The following TENM4 variants were observed in gnomAD, a reference collection of about 807,000 sequenced individuals.
TENM4 encodes teneurin-4.
TENM4 carries 82 observed loss-of-function variants against 243.3 expected under a neutral mutation model. The observed-to-expected ratio is 0.34, with a 90% CI of 0.28 to 0.40. The LOEUF is 0.40. TENM4 is among the 10% of genes least tolerant of loss of function. The pLI is 1.00. For missense variants in TENM4, 3,138 were observed against 3,673.3 expected (o/e 0.85, Z 3.77); for synonymous variants, 1,412 against 1,456.3 (o/e 0.97, Z 0.69).
intron 1 of TENM4, among the ~76,000 whole-genome samples, chr11:79,384,000 C>A (rs568283204): frequency 6.6e-6 from 1 of 152,168 alleles, no homozygotes; most frequent in African/African-American, 2.4e-5. Flanking sequence ...AACCTGCCCC[C>A]CCTTCCTTTC....
intron 18 of TENM4, among the ~76,000 whole-genome samples, chr11:78,764,753 T>G (rs905564616): frequency 6.6e-6 from 1 of 152,186 alleles, no homozygotes; most frequent in African/African-American, 2.4e-5. Context: ...GAGTCACGCC[T>G]CTAAAGGATT....
chr11:79,032,634 T>C (rs1859276469), intron 6 of TENM4, among the ~76,000 whole-genome samples: 1 of 151,820 alleles, frequency 6.6e-6, no homozygotes, highest in Non-Finnish European at 1.5e-5. Flanking sequence ...AGCCAGAGCC[T>C]ACTAGAAGGT....
chr11:78,891,913 C>G (rs1855677125), intron 7 of TENM4, among the ~76,000 whole-genome samples: 1 of 152,188 alleles, frequency 6.6e-6, no homozygotes, highest in Non-Finnish European at 1.5e-5. Context: ...AGCCATGGTT[C>G]TCCAACTTTC....
At chr11:79,025,117 A>G (rs1591218428) in intron 6 of TENM4, among the ~76,000 whole-genome samples, 1 of 151,364 alleles carries the variant, frequency 6.6e-6, no homozygotes, top group Admixed American at 6.6e-5. Flanking sequence ...AGTTCAAAGA[A>G]CCCCCACTTC....
intron 3 of TENM4, among the ~76,000 whole-genome samples, chr11:79,173,922 G>C (rs918463718): frequency 7.2e-5 from 11 of 152,178 alleles, no homozygotes; most frequent in African/African-American, 2.7e-4. Context: ...GAGACAGAGG[G>C]TTATAAGGGA....
chr11:78,899,566 G>GT (rs1341544676), intron 7 of TENM4, among the ~76,000 whole-genome samples: 1 of 126,514 alleles, frequency 7.9e-6, no homozygotes, highest in Non-Finnish European at 1.7e-5. Flanking sequence ...AAGCGGGGGG[G>GT]GGGGGAAAAA....
At chr11:79,158,963 G>A (rs1336791813) in intron 3 of TENM4, among the ~76,000 whole-genome samples, 1 of 152,138 alleles carries the variant, frequency 6.6e-6, no homozygotes, top group Non-Finnish European at 1.5e-5. Context: ...CATGGTCAGT[G>A]CTCACTGAAA....
chr11:78,844,310 A>G (rs146900255), intron 12 of TENM4, among the ~76,000 whole-genome samples: 52 of 152,328 alleles, frequency 3.4e-4, no homozygotes, highest in African/African-American at 1.2e-3. Context: ...TGAGGCTCAC[A>G]GTAGTGGGGC....
intron 6 of TENM4, among the ~76,000 whole-genome samples, chr11:78,966,439 C>G (rs1857438903): frequency 6.6e-6 from 1 of 152,136 alleles, no homozygotes; most frequent in South Asian, 2.1e-4. Context: ...AATCCTGTTT[C>G]ATTCCACAAA....
At chr11:79,409,964 T>G (rs552966769) in intron 1 of TENM4, among the ~76,000 whole-genome samples, 1 of 152,168 alleles carries the variant, frequency 6.6e-6, no homozygotes, top group African/African-American at 2.4e-5. Context: ...ATCCAATCTT[T>G]TGGCTTCCTT....
chr11:78,975,273 C>T (rs961051736), intron 6 of TENM4, among the ~76,000 whole-genome samples: 3 of 151,934 alleles, frequency 2.0e-5, no homozygotes, highest in Non-Finnish European at 4.4e-5. Context: ...ACCTTGCCCA[C>T]GCGCTGCCTC....
At chr11:79,073,872 A>G (rs907383415) in intron 4 of TENM4, among the ~76,000 whole-genome samples, 2 of 152,234 alleles carry the variant, frequency 1.3e-5, no homozygotes, top group African/African-American at 2.4e-5. Flanking sequence ...TTTAAAAGGC[A>G]TAATGTAGAA....
chr11:79,228,394 G>A (rs1254040175), intron 2 of TENM4, among the ~76,000 whole-genome samples: 2 of 152,162 alleles, frequency 1.3e-5, no homozygotes, highest in Admixed American at 6.5e-5. Context: ...GGACCACCAG[G>A]TGCAGAACAG....
At chr11:78,778,716 C>A (rs1856786042) in intron 16 of TENM4, 88 bp from the exon 17 acceptor site, 3 of 1,275,994 alleles carry the variant, frequency 2.4e-6, no homozygotes, top group Non-Finnish European at 3.4e-6. Flanking sequence ...GCTACACAGA[C>A]AAAGGGATTG....
intron 2 of TENM4, among the ~76,000 whole-genome samples, chr11:79,259,234 T>C (rs1321855715): frequency 6.6e-6 from 1 of 152,162 alleles, no homozygotes; most frequent in Non-Finnish European, 1.5e-5. Flanking sequence ...AGATACAGAA[T>C]GTAAAGTGTA....
In TENM4 at chr11:79,440,535, G is replaced by C. The variant is rs893122634; in HGVS notation, c.-347C>G. 6.6e-6 allele frequency: 1 copy of C among 152,218 alleles called. No individual in the cohort carries two copies. The highest frequency in any genetic ancestry group is 2.4e-5 in the African/African-American group (1 of 41,468). 9.4% of individuals were successfully genotyped at this position (152,218 alleles called of 1,614,324 possible). On this transcript the variant is annotated 5_prime_UTR_variant, in exon 1 of 34. Transcript: ENST00000278550. This position sits in a 1 kb window ranked among gnomAD's most constrained non-coding sequence, Gnocchi z 4.7. ...GTGGCTGCAGGCTGCTACCGCCGGG[G>C]AAGCGGCGAGGACGGCGGCAGGGAG...
At chr11:78,798,357 T>G (rs906334061) in intron 15 of TENM4, among the ~76,000 whole-genome samples, 1 of 152,314 alleles carries the variant, frequency 6.6e-6, no homozygotes, top group South Asian at 2.1e-4. Context: ...GTTATTGTTA[T>G]TATTTATGCT....
chr11:78,936,763 T>C (rs1336552340), intron 6 of TENM4, among the ~76,000 whole-genome samples: 2 of 152,206 alleles, frequency 1.3e-5, no homozygotes, highest in Non-Finnish European at 2.9e-5. Context: ...GAATAACTTG[T>C]ACATTTCAAT....
intron 4 of TENM4, among the ~76,000 whole-genome samples, chr11:79,081,310 A>G (rs1365759553): frequency 2.0e-5 from 3 of 152,170 alleles, no homozygotes; most frequent in African/African-American, 7.2e-5. Flanking sequence ...TTGAGCAGGG[A>G]AGGAATATCA....
Sources: gnomAD v4.1 joint callset for allele counts (sites outside exome capture counted in the v4.1 genomes callset) on GRCh38, gnomAD v4.1.1 for gene constraint, Gnocchi (gnomAD v3.1) non-coding constraint, MANE v1.5 for transcripts, NCBI Gene and HGNC (gene_info 2026-07-23, HGNC 2026-07-21) for gene names.